The following RUFY3 variants were observed in gnomAD, a reference collection of about 807,000 sequenced individuals.
The protein encoded by RUFY3 is protein RUFY3.
Under a neutral mutation model 84.0 loss-of-function variants are expected in RUFY3, and 34 were observed. The observed-to-expected ratio is 0.40, with a 90% CI of 0.31 to 0.54. The LOEUF (loss-of-function observed/expected upper bound fraction) is 0.54, where lower values mean the gene tolerates loss of function less well. RUFY3 is among the 20% of genes least tolerant of loss of function. RUFY3 has a pLI of 0.39. For synonymous variants in RUFY3, 242 were observed against 252.9 expected (o/e 0.96, Z 0.41); for missense variants, 507 against 736.8 (o/e 0.69, Z 3.61).
chr4:70,804,455 T>A, intron 17 of RUFY3, 39 bp downstream of exon 17: 1 of 1,562,374 alleles, frequency 6.4e-7, no homozygotes, highest in South Asian at 1.1e-5. Context: ...TTCATAGGGA[T>A]GTCTACAGCA....
chr4:70,781,854 C>T (rs1307580079), intron 8 of RUFY3, among the ~76,000 whole-genome samples: 1 of 152,146 alleles, frequency 6.6e-6, no homozygotes, highest in African/African-American at 2.4e-5. Flanking sequence ...TTCCTCTCGG[C>T]CTCATACAGG....
chr4:70,791,096 A>G (rs1323312294), intron 12 of RUFY3: 4 of 693,658 alleles, frequency 5.8e-6, no homozygotes, highest in Non-Finnish European at 9.6e-6. Context: ...AATTTAAAGC[A>G]AACAGAAAGA....
intron 1 of RUFY3, among the ~76,000 whole-genome samples, chr4:70,715,367 C>T (rs1242260959): frequency 2.0e-5 from 3 of 151,622 alleles, no homozygotes; most frequent in Non-Finnish European, 2.9e-5. Flanking sequence ...GTGGATCTCT[C>T]GAGGTCAGGA....
chr4:70,785,993 T>C (rs1010056697), intron 10 of RUFY3, among the ~76,000 whole-genome samples: 3 of 152,192 alleles, frequency 2.0e-5, no homozygotes, highest in African/African-American at 7.2e-5. Context: ...AGATAGGGAA[T>C]CAACCTAAGT....
intron 1 of RUFY3, among the ~76,000 whole-genome samples, chr4:70,750,692 C>G (rs1278752678): frequency 6.6e-6 from 1 of 152,152 alleles, no homozygotes; most frequent in Non-Finnish European, 1.5e-5. Flanking sequence ...AATAACCACT[C>G]TCTATTCTTC....
chr4:70,782,947 A>G (rs917447100), intron 8 of RUFY3, 144 bp from the exon 9 acceptor site: 3 of 566,194 alleles, frequency 5.3e-6, no homozygotes, highest in Middle Eastern at 4.7e-4. Flanking sequence ...TTGAGTTCTT[A>G]TAAGAACATT....
intron 1 of RUFY3, among the ~76,000 whole-genome samples, chr4:70,741,845 T>C (rs1479047595): frequency 6.6e-6 from 1 of 152,250 alleles, no homozygotes; most frequent in Non-Finnish European, 1.5e-5. Context: ...ATAGTGTCAA[T>C]GTATGTTTAT....
chr4:70,776,488 A>G (rs79096159), intron 7 of RUFY3, among the ~76,000 whole-genome samples: 4,100 of 152,284 alleles, frequency 0.027, 80 homozygotes, highest in Middle Eastern at 0.054. Flanking sequence ...ATTAAAAATT[A>G]AAGAGGCCGG....
chr4:70,704,551 A>C, upstream of RUFY3: 1 of 165,396 alleles, frequency 6.0e-6, no homozygotes, highest in Middle Eastern at 2.8e-3. Flanking sequence ...GGGGCGGGTA[A>C]GGAAGAGGCC....
At chr4:70,793,250 A>T in intron 12 of RUFY3, 4 of 987,310 alleles carry the variant, frequency 4.1e-6, no homozygotes, top group Non-Finnish European at 4.8e-6. Context: ...AATAACCCAA[A>T]GCCTAGGTGA....
chr4:70,745,792 A>C (rs986536695), intron 1 of RUFY3, among the ~76,000 whole-genome samples: 1 of 152,166 alleles, frequency 6.6e-6, no homozygotes, highest in Non-Finnish European at 1.5e-5. Context: ...AGTTAAACAA[A>C]ATTGTTATAA....
intron 1 of RUFY3, among the ~76,000 whole-genome samples, chr4:70,727,486 A>G (rs888250166): frequency 1.2e-4 from 18 of 149,006 alleles, no homozygotes; most frequent in East Asian, 6.1e-4. Context: ...CTCCCTAGTA[A>G]CTGGGATTAC....
Position 70,803,023 on chromosome 4 carries a change from A to T in RUFY3, c.1650+40A>T, listed in dbSNP as rs1732427797. ...TGTTTCAAAACATCTTGTATGAATT[A>T]TGAAGTTGGTTGTACCGTGCCTAGC... On this transcript the variant is annotated intron_variant, in intron 16 of 17. Coordinates refer to ENST00000381006, the MANE Select transcript of RUFY3 (RefSeq NM_001037442.4). 1.9e-6 allele frequency: 3 copies of T among 1,552,414 alleles called. No homozygotes were observed. In the Admixed American group the frequency reaches 5.2e-5, roughly 27 times the overall value.
intron 1 of RUFY3, among the ~76,000 whole-genome samples, chr4:70,728,430 T>C (rs1161914769): frequency 6.6e-6 from 1 of 152,234 alleles, no homozygotes; most frequent in Non-Finnish European, 1.5e-5. Flanking sequence ...AAGTAGGGTT[T>C]CTACTGAACA....
chr4:70,788,698 A>G (rs1730313510), intron 10 of RUFY3, 108 bp from the exon 11 acceptor site: 1 of 1,247,146 alleles, frequency 8.0e-7, no homozygotes, highest in Admixed American at 2.6e-5. Context: ...CTATTTTGCC[A>G]GAATATTCAG....
Position 70,775,253 on chromosome 4 carries a change from A to G in RUFY3, c.824+20A>G, listed in dbSNP as rs1460612711. On this transcript the variant is annotated intron_variant, in intron 7 of 17. Transcript: ENST00000381006. ...TTTGAAGTAAATAATGAATAAATAT[A>G]TTACTTTACTGGGGAATTGTTGAAG... 1.4e-6 allele frequency: 2 copies of G among 1,454,700 alleles called. No individual in the cohort carries two copies. The allele number at this position is 1,454,700 out of a possible 1,614,324, so 90.1% of individuals were successfully genotyped here. A position where few individuals can be genotyped will look rare whatever the true frequency, so the allele number is the denominator to read the frequency against.
chr4:70,777,441 AAT>A (rs1728151683), intron 7 of RUFY3, among the ~76,000 whole-genome samples: 1 of 152,342 alleles, frequency 6.6e-6, no homozygotes, highest in African/African-American at 2.4e-5. Context: ...TCTTATGAAA[AAT>A]AGACATTTTT....
chr4:70,798,411 C>T (rs1345787426), intron 14 of RUFY3, among the ~76,000 whole-genome samples: 1 of 151,958 alleles, frequency 6.6e-6, no homozygotes, highest in Admixed American at 6.6e-5. Context: ...TTTGGATGCA[C>T]ATGGGCAGCA....
intron 12 of RUFY3, chr4:70,791,639 A>T: frequency 9.6e-7 from 1 of 1,045,854 alleles, no homozygotes; most frequent in Non-Finnish European, 1.1e-6. Flanking sequence ...TGCCTTTACA[A>T]CCCAGTCCTT....
Sources: allele counts gnomAD v4.1 joint callset (sites outside exome capture counted in the v4.1 genomes callset), GRCh38; gene constraint gnomAD v4.1.1; transcripts MANE v1.5; gene names NCBI Gene and HGNC (gene_info 2026-07-23, HGNC 2026-07-21).